The following LRRC4C variants were observed in gnomAD, a reference collection of about 807,000 sequenced individuals.
The protein encoded by LRRC4C is leucine rich repeat containing 4C, also known as leucine-rich repeat-containing protein 4C.
LRRC4C carries 5 observed loss-of-function variants against 33.6 expected under a neutral mutation model. That is an observed-to-expected ratio of 0.15 (90% confidence interval 0.08 to 0.31). LRRC4C has a LOEUF of 0.31. LRRC4C is among the 10% of genes least tolerant of loss of function. The pLI is 1.00. For missense variants in LRRC4C, 560 were observed against 796.7 expected, an observed-to-expected ratio of 0.70 and a Z score of 3.58; for synonymous variants, 329 against 302.0, an observed-to-expected ratio of 1.09 and a Z score of -0.93.
chr11:40,533,494 A>C (rs1444169014), intron 3 of LRRC4C, among the ~76,000 whole-genome samples: 1 of 151,850 alleles, frequency 6.6e-6, no homozygotes. Flanking sequence ...GGGAGAATTG[A>C]CCTCAAAGGT....
chr11:40,348,112 C>G (rs1395220572), intron 3 of LRRC4C, among the ~76,000 whole-genome samples: 1 of 151,980 alleles, frequency 6.6e-6, no homozygotes, highest in Non-Finnish European at 1.5e-5. Context: ...ATAGTAACAT[C>G]AAAGATCACA....
intron 4 of LRRC4C, chr11:40,292,809 T>G (rs1444642535): frequency 6.6e-6 from 1 of 152,148 alleles, no homozygotes; most frequent in Non-Finnish European, 1.5e-5. Flanking sequence ...AAGAAAAAGC[T>G]TCGTTCTTCC....
rs1236628691 is a variant in LRRC4C, at chr11:41,034,581, TTG to T, written c.-495-100860_-495-100859del. On this transcript the variant is annotated intron_variant, in intron 1 of 6. Transcript: ENST00000528697. Reference sequence around the variant, plus strand: ...CTTCCTTTTAAAAATTTGTCTTTTGTTGTTTTTCTAAAAAAATATGGTGACGT... The same window carrying T: ...CTTCCTTTTAAAAATTTGTCTTTTGTTTTTTCTAAAAAAATATGGTGACGT... Among the ~76,000 whole-genome samples, 4 of 136,518 alleles carry T rather than the reference TTG, an allele frequency of 2.9e-5. No individual in the cohort carries two copies. In the East Asian group the frequency reaches 6.4e-4, roughly 22 times the overall value. The allele number at this position is 136,518 out of a possible 152,430, so 89.6% of individuals were successfully genotyped here.
At chr11:40,878,037 A>G (rs893740470) in intron 2 of LRRC4C, among the ~76,000 whole-genome samples, 2 of 152,094 alleles carry the variant, frequency 1.3e-5, no homozygotes, top group Non-Finnish European at 2.9e-5. Flanking sequence ...CTTTTCAAAG[A>G]AGCTCTCCAG....
In LRRC4C at chr11:41,020,130, AT is replaced by A. The variant is rs769850488; in HGVS notation, c.-495-86408del. On this transcript the variant is annotated intron_variant, in intron 1 of 6. Transcript: ENST00000528697. ...CTATTGACAACTAACTACTGGATTG[AT>A]TTTTCCCCTAATGGTTTTATTGTTT... 5.4e-4 allele frequency among the ~76,000 whole-genome samples: 82 copies of A among 152,222 alleles called. 1 individual carries two copies. Among genetic ancestry groups the A allele is most frequent in the Non-Finnish European group, 6.6e-4 (45 of 68,004 alleles).
At chr11:40,864,676 G>A (rs569259826) in intron 2 of LRRC4C, among the ~76,000 whole-genome samples, 1 of 152,276 alleles carries the variant, frequency 6.6e-6, no homozygotes, top group Admixed American at 6.5e-5. Context: ...TTCAAACTAG[G>A]CAAAGACATG....
At chr11:40,959,461 A>T (rs1322840209) in intron 1 of LRRC4C, among the ~76,000 whole-genome samples, 1 of 151,674 alleles carries the variant, frequency 6.6e-6, no homozygotes, top group African/African-American at 2.4e-5. Context: ...CAGCATAAAA[A>T]TGTATTGCGT....
At chr11:40,396,675 G>A (rs1949554119) in intron 3 of LRRC4C, among the ~76,000 whole-genome samples, 1 of 152,054 alleles carries the variant, frequency 6.6e-6, no homozygotes, top group Non-Finnish European at 1.5e-5. Context: ...TATTTACTAG[G>A]TGCTTATCCT....
intron 2 of LRRC4C, among the ~76,000 whole-genome samples, chr11:40,759,097 T>TAA (rs1949076253): frequency 6.8e-6 from 1 of 147,292 alleles, no homozygotes; most frequent in African/African-American, 2.5e-5. Flanking sequence ...ATTATATATA[T>TAA]AATATATATA....
chr11:40,757,168 A>C (rs1342927493), intron 2 of LRRC4C, among the ~76,000 whole-genome samples: 2 of 151,986 alleles, frequency 1.3e-5, no homozygotes, highest in Non-Finnish European at 2.9e-5. Flanking sequence ...GTTGAGAATG[A>C]ATCTTTTGGA....
chr11:41,329,802 T>C lies in LRRC4C; in HGVS notation c.-496+129629A>G, dbSNP rs147712083. Among the ~76,000 whole-genome samples, 312 of 152,278 alleles carry C rather than the reference T, an allele frequency of 2.0e-3. 1 individual carries two copies. The highest frequency in any genetic ancestry group is 7.0e-3 in the African/African-American group (293 of 41,568). ...GATGGCAGACTCTACTGACATTTAA[T>C]GGGCAGGGCTGATAGAAGTTTCACA... On this transcript the variant is annotated intron_variant, in intron 1 of 6. Transcript: ENST00000528697.
chr11:41,162,043 C>G (rs562042072), intron 1 of LRRC4C, among the ~76,000 whole-genome samples: 1 of 152,236 alleles, frequency 6.6e-6, no homozygotes, highest in Admixed American at 6.5e-5. Flanking sequence ...TATCTGGCGC[C>G]ATTTATCCAC....
chr11:40,633,325 T>TTTCTTTCTTTC (rs1963631733), intron 3 of LRRC4C, among the ~76,000 whole-genome samples: 1 of 112,246 alleles, frequency 8.9e-6, no homozygotes, highest in African/African-American at 3.0e-5. Context: ...CAAGTTTTCT[T>TTTCTTTCTTTC]TTTCTTTCTT....
At chr11:41,264,592 T>C (rs1394572785) in intron 1 of LRRC4C, among the ~76,000 whole-genome samples, 1 of 152,086 alleles carries the variant, frequency 6.6e-6, no homozygotes, top group African/African-American at 2.4e-5. Context: ...ATGGAAAATG[T>C]GGAATTGGGA....
intron 1 of LRRC4C, among the ~76,000 whole-genome samples, chr11:41,319,896 A>G (rs1361016799): frequency 6.6e-6 from 1 of 152,206 alleles, no homozygotes; most frequent in South Asian, 2.1e-4. Context: ...TTAAAGATAT[A>G]TGTTTAAATG....
intron 1 of LRRC4C, among the ~76,000 whole-genome samples, chr11:41,125,081 A>G (rs1426799343): frequency 6.6e-6 from 1 of 152,166 alleles, no homozygotes; most frequent in Admixed American, 6.5e-5. Context: ...CACAAGGAAA[A>G]CAACTATTAT....
chr11:40,891,109 GA>G (rs1565174305), intron 2 of LRRC4C, among the ~76,000 whole-genome samples: 1 of 151,870 alleles, frequency 6.6e-6, no homozygotes, highest in Admixed American at 6.6e-5. Flanking sequence ...AGGGTGCCTG[GA>G]ATCCTAGCTA....
intron 3 of LRRC4C, among the ~76,000 whole-genome samples, chr11:40,575,746 A>T (rs565593912): frequency 6.6e-6 from 1 of 152,310 alleles, no homozygotes; most frequent in East Asian, 1.9e-4. Flanking sequence ...GATATTTTTC[A>T]TCAATGGCAA....
chr11:41,107,052 G>T (rs1941543630), intron 1 of LRRC4C, among the ~76,000 whole-genome samples: 1 of 97,868 alleles, frequency 1.0e-5, no homozygotes. Context: ...AGCGTTTTAG[G>T]TTTTGATTTT....
Sources: gnomAD v4.1 joint callset for allele counts (sites outside exome capture counted in the v4.1 genomes callset) on GRCh38, gnomAD v4.1.1 for gene constraint, MANE v1.5 for transcripts, NCBI Gene and HGNC (gene_info 2026-07-23, HGNC 2026-07-21) for gene names.